Variants in ATE1 observed in about 807,000 individuals in gnomAD.
ATE1 encodes the protein arginyltransferase 1.
ATE1 carries 36 observed loss-of-function variants against 70.5 expected under a neutral mutation model. The ratio of observed to expected loss-of-function variants is 0.51; its 90% CI spans 0.39 to 0.67. ATE1 has a LOEUF of 0.67. ATE1 is among the 30% of genes least tolerant of loss of function. The pLI is 0.00. For missense variants in ATE1, 593 were observed against 629.5 expected, an observed-to-expected ratio of 0.94 and a Z score of 0.62; for synonymous variants, 232 against 219.3, an observed-to-expected ratio of 1.06 and a Z score of -0.51.
chr10:121,847,720 T>C (rs1456211039), intron 8 of ATE1, among the ~76,000 whole-genome samples: 1 of 125,056 alleles, frequency 8.0e-6, no homozygotes, highest in Non-Finnish European at 1.6e-5. Context: ...ATCACGCCAC[T>C]GCACTCCAGC....
intron 10 of ATE1, among the ~76,000 whole-genome samples, chr10:121,822,017 T>TACC (rs1554901245): frequency 6.6e-6 from 1 of 152,136 alleles, no homozygotes; most frequent in East Asian, 1.9e-4. Context: ...AACACACGCA[T>TACC]ACCCTATGAT....
At chr10:121,872,316 T>C (rs539270737) in intron 7 of ATE1, among the ~76,000 whole-genome samples, 2 of 152,188 alleles carry the variant, frequency 1.3e-5, no homozygotes, top group South Asian at 4.1e-4. Flanking sequence ...TCACAGCTTT[T>C]TCAAAATAGA....
intron 11 of ATE1, among the ~76,000 whole-genome samples, chr10:121,780,072 C>G (rs986544218): frequency 2.6e-5 from 4 of 152,186 alleles, no homozygotes; most frequent in Non-Finnish European, 5.9e-5. Context: ...AGGGCTGCCA[C>G]TCATGGACCA....
Position 121,896,823 on chromosome 10 carries a change from C to CAAAA in ATE1, c.942+3039_942+3042dup, listed in dbSNP as rs869156572. 3.5e-4 allele frequency among the ~76,000 whole-genome samples: 10 copies of CAAAA among 28,350 alleles called. 2 individuals carry two copies. Among genetic ancestry groups the CAAAA allele is most frequent in the East Asian group, 2.4e-3 (2 of 832 alleles). The allele number at this position is 28,350 out of a possible 152,430, so 18.6% of individuals were successfully genotyped here. The stretch of plus-strand genomic sequence containing the variant: ...TGGGAGACAGAGCAAGACTTTGTCT[C>CAAAA]AAAAAAAAAAAAAAAAAAAAAAAAA... On this transcript the variant is annotated intron_variant, in intron 7 of 11. Coordinates refer to ENST00000224652, the MANE Select transcript of ATE1 (RefSeq NM_001001976.3).
At chr10:121,830,055 T>C (rs567359771) in intron 10 of ATE1, among the ~76,000 whole-genome samples, 1 of 152,338 alleles carries the variant, frequency 6.6e-6, no homozygotes, top group Admixed American at 6.5e-5. Context: ...CCAACACCTA[T>C]CTTACAATTT....
rs749212432 is a variant in ATE1, at chr10:121,913,743, G to A, written c.337+47C>T. On this transcript the variant is annotated intron_variant, in intron 4 of 11. Coordinates refer to ENST00000224652, the MANE Select transcript of ATE1 (RefSeq NM_001001976.3). ...TCCCAAGATGACTGAAAGTGGGACC[G>A]TTGCAAAGACAGATAGTAAATCGTT... 289 of 1,336,318 alleles carry A rather than the reference G, an allele frequency of 2.2e-4. 1 individual carries two copies. The Admixed American group carries it at 4.6e-3, about 21-fold the overall frequency. 82.8% of individuals were successfully genotyped at this position (1,336,318 alleles called of 1,614,324 possible).
intron 8 of ATE1, among the ~76,000 whole-genome samples, chr10:121,857,168 G>T (rs1439298534): frequency 6.6e-6 from 1 of 152,106 alleles, no homozygotes; most frequent in Non-Finnish European, 1.5e-5. Context: ...TGTTACACGG[G>T]TATGTTGTAT....
intron 8 of ATE1, among the ~76,000 whole-genome samples, chr10:121,857,455 C>T (rs1272118611): frequency 2.0e-5 from 3 of 152,196 alleles, no homozygotes; most frequent in African/African-American, 7.2e-5. Flanking sequence ...TTTATTATGG[C>T]TGCATAGTAT....
At chr10:121,891,499 T>C (rs1950577940) in intron 7 of ATE1, among the ~76,000 whole-genome samples, 1 of 152,198 alleles carries the variant, frequency 6.6e-6, no homozygotes, top group Admixed American at 6.5e-5. Context: ...TATGCCTGAC[T>C]CCTCAGGGTG....
chr10:121,866,755 GA>G (rs1301345521), intron 8 of ATE1, among the ~76,000 whole-genome samples: 1 of 150,952 alleles, frequency 6.6e-6, no homozygotes, highest in Non-Finnish European at 1.5e-5. Flanking sequence ...GCTAAGGCAG[GA>G]GAATTGCTTC....
At chr10:121,831,648 C>T (rs1020348491) in intron 10 of ATE1, among the ~76,000 whole-genome samples, 1 of 152,152 alleles carries the variant, frequency 6.6e-6, no homozygotes, top group Non-Finnish European at 1.5e-5. Context: ...CTCTCAATTT[C>T]CTGATTTGTC....
intron 7 of ATE1, among the ~76,000 whole-genome samples, chr10:121,876,763 G>C (rs912080020): frequency 6.6e-6 from 1 of 152,006 alleles, no homozygotes; most frequent in Non-Finnish European, 1.5e-5. Context: ...TCAGCAGATC[G>C]AGACCATCCT....
intron 8 of ATE1, among the ~76,000 whole-genome samples, chr10:121,852,231 T>A (rs1949082219): frequency 6.6e-6 from 1 of 152,158 alleles, no homozygotes; most frequent in South Asian, 2.1e-4. Flanking sequence ...CAGCTGAAAA[T>A]ACCTCTCCCA....
intron 10 of ATE1, among the ~76,000 whole-genome samples, chr10:121,803,063 C>T (rs973604127): frequency 1.3e-5 from 2 of 152,146 alleles, no homozygotes; most frequent in African/African-American, 2.4e-5. Context: ...GAACTTAATA[C>T]AATCTATTGG....
chr10:121,819,679 CAAAAA>C (rs57035123), intron 10 of ATE1, among the ~76,000 whole-genome samples: 3 of 52,722 alleles, frequency 5.7e-5, no homozygotes, highest in African/African-American at 1.7e-4. Context: ...AAGACTGTCT[CAAAAA>C]AAAAAAAAAA....
rs376373572 is a variant in ATE1 at position 121,897,691 on chromosome 10, T to A, written c.942+2175A>T. ...AAATATAAAAATTAGACGGCTGTGG[T>A]GGCACGCGCCTGTAGTCCCAGCTAC... On this transcript the variant is annotated intron_variant, in intron 7 of 11. Transcript: ENST00000224652. 4.6e-5 allele frequency among the ~76,000 whole-genome samples: 7 copies of A among 152,184 alleles called. No homozygotes were observed. In the East Asian group the frequency reaches 1.2e-3, roughly 25 times the overall value.
At chr10:121,823,514 AAC>A (rs1947885000) in intron 10 of ATE1, among the ~76,000 whole-genome samples, 1 of 152,214 alleles carries the variant, frequency 6.6e-6, no homozygotes, top group Non-Finnish European at 1.5e-5. Flanking sequence ...AGTGCAAGAC[AAC>A]ACACAGAGCT....
In ATE1 at chr10:121,743,719, C is replaced by T. The variant is rs759197284; in HGVS notation, c.1518G>A (p.Gly506=). Residue 506 remains glycine (G), a synonymous_variant, in exon 12 of 12, where the codon GGG becomes GGA. Transcript: ENST00000224652. ...GCAGCATCCGCTCGGAGCACTTCTG[C>T]CCCACCAGGCTGGCGTACTGCAGAA... is the stretch of plus-strand genomic sequence containing the variant. ...AAVLQYASLV[G]QKCSERMLLF... 2.5e-6 allele frequency: 4 copies of T among 1,613,584 alleles called. No homozygotes were observed. In the South Asian group the frequency reaches 4.4e-5, roughly 18 times the overall value.
intron 7 of ATE1, among the ~76,000 whole-genome samples, chr10:121,874,381 A>C (rs1258741093): frequency 6.6e-6 from 1 of 152,228 alleles, no homozygotes; most frequent in Non-Finnish European, 1.5e-5. Flanking sequence ...TTGATTCCAC[A>C]AAAGAAAAAA....
Sources: allele counts gnomAD v4.1 joint callset (sites outside exome capture counted in the v4.1 genomes callset), GRCh38; gene constraint gnomAD v4.1.1; transcripts MANE v1.5; gene names NCBI Gene and HGNC (gene_info 2026-07-23, HGNC 2026-07-21).